The following GABRA2 variants were observed in gnomAD, a reference collection of about 807,000 sequenced individuals.
GABRA2 encodes the protein gamma-aminobutyric acid receptor subunit alpha-2.
In GABRA2, 16 loss-of-function variants were observed where a neutral mutation model predicts 48.7. That is an observed-to-expected ratio of 0.33 (90% CI 0.22 to 0.50). The LOEUF (loss-of-function observed/expected upper bound fraction) is 0.50. GABRA2 is among the 20% of genes least tolerant of loss of function. The pLI, the probability that GABRA2 is intolerant of heterozygous loss-of-function variation, is 0.98. For missense variants in GABRA2, 275 were observed against 535.6 expected, an observed-to-expected ratio of 0.51 and a Z score of 4.80; for synonymous variants, 185 against 184.5, an observed-to-expected ratio of 1.00 and a Z score of -0.02.
intron 3 of GABRA2, among the ~76,000 whole-genome samples, chr4:46,379,979 C>A (rs137998982): frequency 2.0e-5 from 3 of 152,232 alleles, no homozygotes; most frequent in African/African-American, 7.2e-5. Context: ...TCTCCACCAC[C>A]CATAATCATA....
intron 3 of GABRA2, among the ~76,000 whole-genome samples, chr4:46,346,635 T>G (rs1001168820): frequency 2.7e-5 from 4 of 149,016 alleles, no homozygotes; most frequent in African/African-American, 9.8e-5. Context: ...TTTATTATAT[T>G]TATTATTGTA....
Position 46,294,711 on chromosome 4 carries a change from AG to A in GABRA2, c.856+8748del, listed in dbSNP as rs531893959. On this transcript the variant is annotated intron_variant, in intron 8 of 9. Coordinates refer to ENST00000381620, the MANE Select transcript of GABRA2 (RefSeq NM_000807.4). ...CCAATGGACATCTCTAAGATTTTGG[AG>A]AAAAGCCCCTGCCATCTTCTGCAGA... Among the ~76,000 whole-genome samples the A allele has an allele frequency of 4.8e-3, 726 of 152,318 alleles. 2 individuals carry two copies. Among genetic ancestry groups the A allele is most frequent in the African/African-American group, 0.017 (689 of 41,562 alleles).
chr4:46,273,706 A>G (rs1446852158), intron 8 of GABRA2, among the ~76,000 whole-genome samples: 1 of 151,962 alleles, frequency 6.6e-6, no homozygotes, highest in Non-Finnish European at 1.5e-5. Context: ...GTGGCACAAG[A>G]CATCCAAGCA....
chr4:46,247,030 T>A lies in GABRA2; in HGVS notation c.*3278A>T, dbSNP rs525862. ...AATTATACTTACCAAATAATGAGAG[T>A]AAAATAATAGATTCTGGGTTGTTTT... On this transcript the variant is annotated 3_prime_UTR_variant, in exon 10 of 10. Coordinates refer to ENST00000381620, the MANE Select transcript of GABRA2 (RefSeq NM_000807.4). Among the ~76,000 whole-genome samples, 89,016 of 150,562 alleles carry A rather than the reference T, an allele frequency of 0.59. 26,602 individuals carry two copies. The highest frequency in any genetic ancestry group is 0.78 in the South Asian group (3,736 of 4,802).
intron 4 of GABRA2, among the ~76,000 whole-genome samples, chr4:46,328,171 T>G (rs1430035075): frequency 6.6e-6 from 1 of 152,066 alleles, no homozygotes; most frequent in Admixed American, 6.6e-5. Flanking sequence ...TAAAATATTT[T>G]TAACTTAATT....
chr4:46,309,544 CTTTTCAA>C (rs1023191772), intron 6 of GABRA2, among the ~76,000 whole-genome samples: 1 of 151,850 alleles, frequency 6.6e-6, no homozygotes, highest in African/African-American at 2.4e-5. Flanking sequence ...GACCTTCCTC[CTTTTCAA>C]TTATTCTGGA....
At chr4:46,359,121 T>A (rs375279560) in intron 3 of GABRA2, among the ~76,000 whole-genome samples, 3 of 152,292 alleles carry the variant, frequency 2.0e-5, no homozygotes, top group African/African-American at 7.2e-5. Flanking sequence ...GCAGAAGTGT[T>A]AACCAAAAAT....
intron 3 of GABRA2, among the ~76,000 whole-genome samples, chr4:46,345,448 G>C (rs1733987243): frequency 6.6e-6 from 1 of 151,832 alleles, no homozygotes; most frequent in African/African-American, 2.4e-5. Context: ...GGTGAGGGTA[G>C]ACTGGAAGTG....
chr4:46,331,849 A>G (rs1379394824), intron 4 of GABRA2, among the ~76,000 whole-genome samples: 3 of 152,080 alleles, frequency 2.0e-5, no homozygotes, highest in African/African-American at 7.2e-5. Flanking sequence ...CTCCCACATC[A>G]GCCTTCTGAC....
At chr4:46,360,276 G>C (rs1038949167) in intron 3 of GABRA2, among the ~76,000 whole-genome samples, 7 of 152,162 alleles carry the variant, frequency 4.6e-5, no homozygotes, top group African/African-American at 1.7e-4. Flanking sequence ...ATCTCATCTT[G>C]AATTGTAACT....
intron 3 of GABRA2, among the ~76,000 whole-genome samples, chr4:46,334,706 A>C (rs951310348): frequency 6.6e-6 from 1 of 152,308 alleles, no homozygotes; most frequent in African/African-American, 2.4e-5. Context: ...AAATAAGGTT[A>C]GCCTCAAAAC....
chr4:46,322,955 T>A (rs2109760108), intron 4 of GABRA2, among the ~76,000 whole-genome samples: 1 of 152,020 alleles, frequency 6.6e-6, no homozygotes, highest in African/African-American at 2.4e-5. Context: ...GTTAAACTAA[T>A]CACCAATATA....
rs201299607 is a variant in GABRA2 at position 46,249,547 on chromosome 4, C to T, written c.*761G>A. On this transcript the variant is annotated 3_prime_UTR_variant, in exon 10 of 10. Transcript: ENST00000381620. ...ACACATACCTGGAAATGTTAAGACA[C>T]ATTTCTTTTCTTTTTTTTTAATTAA... 1 of 151,322 alleles carries T rather than the reference C, an allele frequency of 6.6e-6. No individual in the cohort carries two copies. Among genetic ancestry groups the T allele is most frequent in the Admixed American group, 6.6e-5 (1 of 15,112 alleles). The allele number at this position is 151,322 out of a possible 1,614,324, so 9.4% of individuals were successfully genotyped here.
At chr4:46,378,134 G>A (rs1236342349) in intron 3 of GABRA2, among the ~76,000 whole-genome samples, 38 of 150,526 alleles carry the variant, frequency 2.5e-4, no homozygotes, top group African/African-American at 7.8e-4. Context: ...CCCTCTGCCC[G>A]GCCACCACCC....
chr4:46,326,854 G>A (rs771246344), intron 4 of GABRA2, among the ~76,000 whole-genome samples: 4 of 151,674 alleles, frequency 2.6e-5, no homozygotes, highest in African/African-American at 4.8e-5. Flanking sequence ...GTTCATCCCC[G>A]AGCAACAGAA....
In GABRA2 at chr4:46,378,239, C is replaced by G. The variant is rs56377929; in HGVS notation, c.187+7835G>C. ...AAAGGGGGGAAGGGTGGGGAAAAGA[C>G]TGAGAAATCGGATGGTTGCCGTGTC... On this transcript the variant is annotated intron_variant, in intron 3 of 9. Transcript: ENST00000381620. Among the ~76,000 whole-genome samples the G allele has an allele frequency of 6.6e-5, 10 of 152,130 alleles. No homozygotes were observed. In the East Asian group the frequency reaches 1.7e-3, roughly 26 times the overall value.
intron 3 of GABRA2, chr4:46,365,812 T>C (rs1261431323): frequency 1.3e-5 from 2 of 152,062 alleles, no homozygotes; most frequent in African/African-American, 4.8e-5. Context: ...AAGATGTACA[T>C]GGGTCAAATG....
intron 3 of GABRA2, among the ~76,000 whole-genome samples, chr4:46,337,680 A>G (rs543976805): frequency 6.6e-6 from 1 of 150,476 alleles, no homozygotes; most frequent in Non-Finnish European, 1.5e-5. Flanking sequence ...GACTGAGATT[A>G]GCAAATGGTA....
intron 8 of GABRA2, among the ~76,000 whole-genome samples, chr4:46,281,480 T>C (rs1721522846): frequency 6.6e-6 from 1 of 152,088 alleles, no homozygotes; most frequent in Non-Finnish European, 1.5e-5. Context: ...TGGGGGTGAA[T>C]CTAGGGAGTG....
Sources: gnomAD v4.1 joint callset for allele counts (sites outside exome capture counted in the v4.1 genomes callset) on GRCh38, gnomAD v4.1.1 for gene constraint, MANE v1.5 for transcripts, NCBI Gene and HGNC (gene_info 2026-07-23, HGNC 2026-07-21) for gene names.